SULT1C2: variants seen among roughly 807,000 people sequenced by gnomAD.
SULT1C2 encodes the protein sulfotransferase family 1C member 2.
A neutral mutation model predicts 36.0 loss-of-function variants in SULT1C2; 27 were observed. The observed-to-expected ratio is 0.75, with a 90% confidence interval of 0.55 to 1.03. SULT1C2 has a LOEUF of 1.03. SULT1C2 is among the 50% of genes least tolerant of loss of function. SULT1C2 has a pLI of 0.00. For synonymous variants in SULT1C2, 121 were observed against 116.0 expected, an observed-to-expected ratio of 1.04 and a Z score of -0.27; for missense variants, 395 against 359.2, an observed-to-expected ratio of 1.10 and a Z score of -0.80.
intron 5 of SULT1C2, among the ~76,000 whole-genome samples, 182 bp from the exon 6 acceptor site, chr2:108,304,990 A>G (rs1573254774): frequency 6.6e-6 from 1 of 152,178 alleles, no homozygotes; most frequent in Non-Finnish European, 1.5e-5. Context: ...TGTTGGGGCA[A>G]GTAACCCTAA....
Position 108,304,695 on chromosome 2 carries a change from G to C in SULT1C2, c.497G>C (p.Gly166Ala), listed in dbSNP as rs547819243. 2 of 1,611,804 alleles carry C rather than the reference G, an allele frequency of 1.2e-6. No homozygotes were observed. Among genetic ancestry groups the C allele is most frequent in the South Asian group, 2.2e-5 (2 of 90,490 alleles). ...WEEYFETFIN[G>A]KVVWGSWFDH... Reference sequence around the variant, plus strand: ...GAGTATTTTGAAACCTTCATCAATGGAAAAGGTACGGGAACATCCTTCACA... The same window carrying C: ...GAGTATTTTGAAACCTTCATCAATGCAAAAGGTACGGGAACATCCTTCACA... The change falls in exon 5 of 8, where the codon GGA (glycine) becomes GCA (alanine). Residue 166 changes from glycine to alanine, a missense_variant. Transcript: ENST00000251481.
At chr2:108,292,772 G>C (rs1399328410) in intron 1 of SULT1C2, among the ~76,000 whole-genome samples, 1 of 152,134 alleles carries the variant, frequency 6.6e-6, no homozygotes, top group Non-Finnish European at 1.5e-5. Context: ...TTTCACTTCT[G>C]AGTATATACC....
At chr2:108,305,364 T>C (rs1676996127) in intron 6 of SULT1C2, 51 bp from the exon 7 acceptor site, 1 of 1,609,154 alleles carries the variant, frequency 6.2e-7, no homozygotes, top group Non-Finnish European at 8.5e-7. Context: ...AATTGTAGTA[T>C]TTCTTTATGA....
chr2:108,290,363 C>A (rs1391801212), intron 1 of SULT1C2, among the ~76,000 whole-genome samples: 1 of 152,144 alleles, frequency 6.6e-6, no homozygotes, highest in African/African-American at 2.4e-5. Flanking sequence ...ACTTAATCAC[C>A]TATTTAAAGA....
intron 7 of SULT1C2, among the ~76,000 whole-genome samples, chr2:108,306,473 G>A (rs1677028591): frequency 6.6e-6 from 1 of 152,130 alleles, no homozygotes; most frequent in Non-Finnish European, 1.5e-5. Flanking sequence ...GTGTGGTGAT[G>A]CATCCCTGTA....
chr2:108,299,002 G>C (rs539275515), intron 3 of SULT1C2: 1 of 153,130 alleles, frequency 6.5e-6, no homozygotes, highest in Admixed American at 6.5e-5. Flanking sequence ...TCTGCACCCA[G>C]AGGCGAGGCA....
chr2:108,297,227 T>C (rs909201741), intron 3 of SULT1C2, among the ~76,000 whole-genome samples: 1 of 152,068 alleles, frequency 6.6e-6, no homozygotes, highest in African/African-American at 2.4e-5. Flanking sequence ...ATGCAGATGA[T>C]ATAACAACAA....
intron 7 of SULT1C2, among the ~76,000 whole-genome samples, chr2:108,305,983 C>T (rs1321701347): frequency 6.6e-6 from 1 of 152,234 alleles, no homozygotes; most frequent in African/African-American, 2.4e-5. Flanking sequence ...TGCTCCAAAG[C>T]TCCACCACTT....
intron 1 of SULT1C2, among the ~76,000 whole-genome samples, chr2:108,291,351 G>A (rs1193884685): frequency 1.3e-5 from 2 of 152,066 alleles, no homozygotes; most frequent in African/African-American, 4.8e-5. Context: ...GACCCACCGG[G>A]ATAATACAGG....
intron 1 of SULT1C2, among the ~76,000 whole-genome samples, chr2:108,292,847 C>A (rs544171085): frequency 1.5e-4 from 23 of 152,288 alleles, no homozygotes; most frequent in African/African-American, 5.3e-4. Context: ...AGACCTAATT[C>A]ATGACAGCCA....
intron 1 of SULT1C2, among the ~76,000 whole-genome samples, chr2:108,292,027 G>A (rs1038075068): frequency 2.0e-5 from 3 of 152,160 alleles, no homozygotes; most frequent in African/African-American, 7.2e-5. Flanking sequence ...CATGAAAACT[G>A]CCCTCACTAA....
At position 108,308,459 on chromosome 2, in the gene SULT1C2, C is replaced by G. The variant is rs753618672; in HGVS notation, c.886C>G (p.Leu296Val). Residue 296 changes from leucine to valine, a missense_variant, in exon 8 of 8, where the codon CTC becomes GTC. Physicochemically the swap from Leu to Val is conservative, Grantham distance 32. Transcript: ENST00000251481. ...AACCTCCATAAACTTCTGCATGGAA[C>G]TCTGAGCAAGATGTAAATAAAATTA... ...EGTSINFCME[L>V] 1.2e-6 allele frequency: 2 copies of G among 1,602,396 alleles called. No individual in the cohort carries two copies. Among genetic ancestry groups the G allele is most frequent in the African/African-American group, 2.7e-5 (2 of 73,982 alleles).
intron 3 of SULT1C2, among the ~76,000 whole-genome samples, chr2:108,298,305 C>G (rs1047783421): frequency 3.3e-5 from 5 of 152,348 alleles, no homozygotes; most frequent in South Asian, 2.1e-4. Context: ...TGTCCAAACA[C>G]TATAAATCTT....
chr2:108,297,048 C>T (rs933085231), intron 3 of SULT1C2, among the ~76,000 whole-genome samples: 1 of 152,176 alleles, frequency 6.6e-6, no homozygotes, highest in African/African-American at 2.4e-5. Flanking sequence ...TTTGAAAAGA[C>T]CTGTGTGCAT....
At chr2:108,300,255 G>A (rs908334859) in intron 3 of SULT1C2, 2 of 152,454 alleles carry the variant, frequency 1.3e-5, no homozygotes, top group Non-Finnish European at 2.9e-5. Context: ...CCAAGCGCCT[G>A]TAATCCCAGC....
At position 108,305,090 on chromosome 2, in the gene SULT1C2, C is replaced by T. The variant is rs1676986918; in HGVS notation, c.503-82C>T. ...CAGAATTTGGGTTTTCTCTCTCTAA[C>T]TCACTTCAGGAAAATCCCTAATACT... is the stretch of plus-strand genomic sequence containing the variant. On this transcript the variant is annotated intron_variant, in intron 5 of 7. Coordinates refer to ENST00000251481, the MANE Select transcript of SULT1C2 (RefSeq NM_001056.4). 7 of 1,520,334 alleles carry T rather than the reference C, an allele frequency of 4.6e-6. No individual in the cohort carries two copies. In the South Asian group the frequency reaches 6.8e-5, roughly 15 times the overall value. 94.2% of individuals were successfully genotyped at this position (1,520,334 alleles called of 1,614,324 possible).
At chr2:108,292,657 C>A (rs114177527) in intron 1 of SULT1C2, among the ~76,000 whole-genome samples, 1 of 152,114 alleles carries the variant, frequency 6.6e-6, no homozygotes, top group Non-Finnish European at 1.5e-5. Flanking sequence ...AAAACTGGAA[C>A]CCTTGTGCAC....
At chr2:108,295,340 G>A (rs1176000084) in intron 3 of SULT1C2, among the ~76,000 whole-genome samples, 1 of 152,174 alleles carries the variant, frequency 6.6e-6, no homozygotes, top group African/African-American at 2.4e-5. Context: ...GCCTGTTCCC[G>A]CCCTGCTCTG....
In SULT1C2 at chr2:108,309,260, C is replaced by T. The variant is rs988330743; in HGVS notation, c.*796C>T. ...TAAACCAAGTGAGGTGTTCTTTTCC[C>T]TTGCTTCCCATATTTGTCCCAGTTG... On this transcript the variant is annotated 3_prime_UTR_variant, in exon 8 of 8. Coordinates refer to ENST00000251481, the MANE Select transcript of SULT1C2 (RefSeq NM_001056.4). The T allele has an allele frequency of 6.6e-6, 1 of 152,222 alleles. No homozygotes were observed. The highest frequency in any genetic ancestry group is 1.5e-5 in the Non-Finnish European group (1 of 68,048). The allele number at this position is 152,222 out of a possible 1,614,324, so 9.4% of individuals were successfully genotyped here. A position where few individuals can be genotyped will look rare whatever the true frequency, so the allele number is the denominator to read the frequency against.
Sources: gnomAD v4.1 joint callset for allele counts (sites outside exome capture counted in the v4.1 genomes callset) on GRCh38, gnomAD v4.1.1 for gene constraint, MANE v1.5 for transcripts, NCBI Gene and HGNC (gene_info 2026-07-23, HGNC 2026-07-21) for gene names.